The following SMG6 variants were observed in gnomAD, a reference collection of about 807,000 sequenced individuals.
SMG6 encodes the protein telomerase-binding protein EST1A.
In SMG6, 66 loss-of-function variants were observed where a neutral mutation model predicts 142.2. The ratio of observed to expected loss-of-function variants is 0.46; its 90% CI spans 0.38 to 0.57. The LOEUF (loss-of-function observed/expected upper bound fraction) is 0.57, where lower values mean the gene tolerates loss of function less well. Ranked by LOEUF, SMG6 falls within the 20% of genes least tolerant of loss-of-function variation. The pLI is 0.00. For missense variants in SMG6, 1,793 were observed against 1,832.0 expected, an observed-to-expected ratio of 0.98 and a Z score of 0.39; for synonymous variants, 779 against 702.4, an observed-to-expected ratio of 1.11 and a Z score of -1.72.
chr17:2,061,499 A>G lies in SMG6; in HGVS notation c.4253T>C (p.Val1418Ala). The change falls in exon 19 of 19, where the codon GTG (valine) becomes GCG (alanine). Residue 1418 changes from valine (V) to alanine (A), a missense_variant. Physicochemically the swap from Val to Ala is moderately conservative, Grantham distance 64 (BLOSUM62 0). Transcript: ENST00000263073. ...DIPAFLTWAQ[V>A]G ...GGCCCCAGTGTGGCTCCCTCAGCCC[A>G]CCTGGGCCCACGTGAGGAAGGCTGG... 1 of 1,565,528 alleles carries G rather than the reference A, an allele frequency of 6.4e-7. No homozygotes were observed. The highest frequency in any genetic ancestry group is 8.6e-7 in the Non-Finnish European group (1 of 1,157,506).
At chr17:2,231,671 T>A (rs928744345) in intron 10 of SMG6, among the ~76,000 whole-genome samples, 12 of 151,938 alleles carry the variant, frequency 7.9e-5, no homozygotes, top group African/African-American at 2.7e-4. Flanking sequence ...CACTCCAGCC[T>A]GGGCGACAGA....
At chr17:2,092,263 C>T (rs1471468127) in intron 13 of SMG6, among the ~76,000 whole-genome samples, 2 of 152,108 alleles carry the variant, frequency 1.3e-5, no homozygotes, top group Non-Finnish European at 2.9e-5. Flanking sequence ...TTTCTAATCC[C>T]GGTGTCCAGA....
At chr17:2,252,141 C>T (rs749917013) in intron 8 of SMG6, among the ~76,000 whole-genome samples, 7 of 151,626 alleles carry the variant, frequency 4.6e-5, no homozygotes, top group Non-Finnish European at 8.8e-5. Flanking sequence ...AGGCCGGGCA[C>T]GGTGGCTCAC....
chr17:2,127,398 TC>T (rs891188903), intron 13 of SMG6: 17 of 679,324 alleles, frequency 2.5e-5, no homozygotes, highest in East Asian at 6.8e-5. Flanking sequence ...TAAATCCTTT[TC>T]CCCCCCTCTT....
At chr17:2,265,149 G>T (rs1376618484) in intron 8 of SMG6, among the ~76,000 whole-genome samples, 2 of 152,174 alleles carry the variant, frequency 1.3e-5, no homozygotes. Flanking sequence ...CTGTTTGGAA[G>T]TATGTGTGGG....
At chr17:2,088,651 C>T in intron 13 of SMG6, 5 of 985,410 alleles carry the variant, frequency 5.1e-6, no homozygotes, top group Non-Finnish European at 6.0e-6. Context: ...CTGTCCTTTG[C>T]AATCCAAGCA....
intron 13 of SMG6, among the ~76,000 whole-genome samples, chr17:2,124,511 T>C (rs1400751483): frequency 6.6e-6 from 1 of 152,178 alleles, no homozygotes; most frequent in Non-Finnish European, 1.5e-5. Context: ...AGAGTGTTTA[T>C]ATAAAACCCC....
intron 13 of SMG6, among the ~76,000 whole-genome samples, chr17:2,117,997 C>T (rs545864225): frequency 3.4e-4 from 51 of 152,170 alleles, no homozygotes; most frequent in Admixed American, 5.9e-4. Flanking sequence ...AATTCCAGCA[C>T]TTTGGGAGGC....
chr17:2,088,968 A>G (rs1415876870), intron 13 of SMG6, among the ~76,000 whole-genome samples: 1 of 152,232 alleles, frequency 6.6e-6, no homozygotes. Context: ...AACACAAGAC[A>G]GTTTAAATAC....
chr17:2,126,923 CAT>C (rs762525138), intron 13 of SMG6, among the ~76,000 whole-genome samples: 34 of 137,502 alleles, frequency 2.5e-4, no homozygotes, highest in Non-Finnish European at 4.5e-4. Context: ...CAGACACAAA[CAT>C]ACATGCACAC....
intron 13 of SMG6, among the ~76,000 whole-genome samples, chr17:2,107,098 T>G (rs908548718): frequency 3.9e-5 from 6 of 152,182 alleles, no homozygotes; most frequent in Non-Finnish European, 8.8e-5. Flanking sequence ...TCAGGTGATC[T>G]GCCCACCTTG....
At position 2,068,079 on chromosome 17, in the gene SMG6, C is replaced by T. The variant is rs557740183; in HGVS notation, c.3835+699G>A. On this transcript the variant is annotated intron_variant, in intron 16 of 18. Coordinates refer to ENST00000263073, the MANE Select transcript of SMG6 (RefSeq NM_017575.5). The surrounding 1 kb of genome is among the most constrained non-coding windows in gnomAD (Gnocchi z 6.7). ...AGAGCCCACCCTGAGGCTGACCCAC[C>T]ACAGAGCTCCAAGAACTAAGGGTAC... Among the ~76,000 whole-genome samples, 54 of 152,314 alleles carry T rather than the reference C, an allele frequency of 3.5e-4. No homozygotes were observed. Among genetic ancestry groups the T allele is most frequent in the Middle Eastern group, 3.4e-3 (1 of 294 alleles).
chr17:2,155,047 G>GA (rs951741230), intron 13 of SMG6, among the ~76,000 whole-genome samples: 4 of 143,092 alleles, frequency 2.8e-5, no homozygotes, highest in African/African-American at 8.1e-5. Context: ...TATACTCTGA[G>GA]AAAAAAAATT....
Position 2,082,198 on chromosome 17 carries a change from A to G in SMG6, c.3535-242T>C, listed in dbSNP as rs113093005. On this transcript the variant is annotated intron_variant, in intron 14 of 18. Coordinates refer to ENST00000263073, the MANE Select transcript of SMG6 (RefSeq NM_017575.5). ...GGCTTTTCCCTCAGAGAGTTACACC[A>G]TAAGTCACTCGCAATCACACATATA... 2.3e-3 allele frequency: 1,178 copies of G among 520,970 alleles called. 8 individuals carry two copies. Among genetic ancestry groups the G allele is most frequent in the African/African-American group, 0.015 (809 of 52,864 alleles). The allele number at this position is 520,970 out of a possible 1,614,324, so 32.3% of individuals were successfully genotyped here. A position where few individuals can be genotyped will look rare whatever the true frequency, so the allele number is the denominator to read the frequency against.
Position 2,211,267 on chromosome 17 carries a change from A to T in SMG6, c.2870-22752T>A, listed in dbSNP as rs79473983. On this transcript the variant is annotated intron_variant, in intron 10 of 18. Coordinates refer to ENST00000263073, the MANE Select transcript of SMG6 (RefSeq NM_017575.5). ...CATATATATATTTTTGCTTCAGAAC[A>T]TTTTTTGGGAGGTAAACATTTTTAA... Among the ~76,000 whole-genome samples the T allele has an allele frequency of 5.9e-3, 896 of 152,234 alleles. 7 individuals carry two copies. The highest frequency in any genetic ancestry group is 0.021 in the African/African-American group (857 of 41,528).
At chr17:2,135,367 A>G (rs953386651) in intron 13 of SMG6, among the ~76,000 whole-genome samples, 9 of 152,192 alleles carry the variant, frequency 5.9e-5, no homozygotes, top group Non-Finnish European at 1.2e-4. Context: ...TGAAATATAC[A>G]TTATTCACTC....
rs1052131203 is a variant in SMG6, at chr17:2,071,725, C to T, written c.3682-2794G>A. ...GCTGCTCCCTTTTCTCCTGGGGTAC[C>T]GGTGGGCCTCTGGGCGGGGGGGGTC... On this transcript the variant is annotated intron_variant, in intron 15 of 18. Transcript: ENST00000263073. This position sits in a 1 kb window ranked among gnomAD's most constrained non-coding sequence, Gnocchi z 5.6. Among the ~76,000 whole-genome samples, 8 of 111,640 alleles carry T rather than the reference C, an allele frequency of 7.2e-5. 1 individual carries two copies. Among genetic ancestry groups the T allele is most frequent in the South Asian group, 5.6e-4 (2 of 3,580 alleles). 73.2% of individuals were successfully genotyped at this position (111,640 alleles called of 152,430 possible). A position where few individuals can be genotyped will look rare whatever the true frequency, so the allele number is the denominator to read the frequency against.
intron 8 of SMG6, among the ~76,000 whole-genome samples, chr17:2,254,625 G>A (rs1281507245): frequency 6.6e-6 from 1 of 152,128 alleles, no homozygotes; most frequent in Non-Finnish European, 1.5e-5. Context: ...GTGAGATACC[G>A]TGCTCGGCCA....
chr17:2,110,194 G>C (rs2069273562), intron 13 of SMG6, among the ~76,000 whole-genome samples: 1 of 151,476 alleles, frequency 6.6e-6, no homozygotes, highest in Non-Finnish European at 1.5e-5. Context: ...GGAGTTCAAT[G>C]AGATATGGTG....
Sources: allele counts gnomAD v4.1 joint callset (sites outside exome capture counted in the v4.1 genomes callset), GRCh38; gene constraint gnomAD v4.1.1; non-coding constraint Gnocchi (gnomAD v3.1); transcripts MANE v1.5; gene names NCBI Gene and HGNC (gene_info 2026-07-23, HGNC 2026-07-21).